CEP63: variants seen among roughly 807,000 people sequenced by gnomAD.
CEP63 encodes centrosomal protein of 63 kDa.
A neutral mutation model predicts 89.1 loss-of-function variants in CEP63; 84 were observed. The ratio of observed to expected loss-of-function variants is 0.94; its 90% CI spans 0.79 to 1.13. The LOEUF (loss-of-function observed/expected upper bound fraction) is 1.13. CEP63 is among the 50% of genes most tolerant of loss of function. CEP63 has a pLI of 0.00. For missense variants in CEP63, 838 were observed against 813.3 expected (o/e 1.03, Z -0.37); for synonymous variants, 267 against 272.5 (o/e 0.98, Z 0.20).
the CEP63 span, among the ~76,000 whole-genome samples, chr3:134,639,357 G>A: frequency 1.3e-5 from 2 of 152,208 alleles, no homozygotes; most frequent in Non-Finnish European, 2.9e-5. Context: ...CTCTCATTAT[G>A]AGATGACAAC....
At chr3:134,566,025 G>C (rs920657880), downstream of CEP63, among the ~76,000 whole-genome samples, 2 of 152,124 alleles carry the variant, frequency 1.3e-5, no homozygotes, top group Non-Finnish European at 2.9e-5. Flanking sequence ...CTCATGGCCT[G>C]AAAAGGGAAA....
chr3:134,559,367 G>T lies in CEP63; in HGVS notation c.1891G>T (p.Glu631Ter), dbSNP rs747164739. The T allele has an allele frequency of 6.2e-7, 1 of 1,613,986 alleles. No individual in the cohort carries two copies. Among genetic ancestry groups the T allele is most frequent in the East Asian group, 2.2e-5 (1 of 44,886 alleles). ...HSLPSALDTN[E>*]ANFSDTMSES... ...TTTGCCTTCAGCGCTAGATACAAAT[G>T]AAGCCAATTTTTCTGACACTATGTC... is the stretch of plus-strand genomic sequence containing the variant. The change falls in exon 14 of 15, where the codon GAA (glutamate) becomes TAA (stop). Residue 631 changes from glutamate to a stop codon, truncating the protein, a stop_gained. Coordinates refer to ENST00000675561, the MANE Select transcript of CEP63 (RefSeq NM_001353108.3). LOFTEE classifies it high-confidence loss of function.
chr3:134,579,696 G>T (rs1287757954), downstream of CEP63, among the ~76,000 whole-genome samples: 1 of 152,088 alleles, frequency 6.6e-6, no homozygotes, highest in East Asian at 1.9e-4. Context: ...CTACTGCTAG[G>T]TACCTAGAAG....
chr3:134,661,705 AGGAAGACAGGAAGGCTGGAAGGCT>A, the CEP63 span, among the ~76,000 whole-genome samples: 1 of 152,126 alleles, frequency 6.6e-6, no homozygotes, highest in East Asian at 1.9e-4. Context: ...GAAAAAGGGA[AGGAAGACAGGAAGGCTGGAAGGCT>A]GGAAGGCAGG....
At position 134,561,974 on chromosome 3, in the gene CEP63, A is replaced by G. The variant is rs1577459097; in HGVS notation, c.*439A>G. 9.8e-7 allele frequency: 1 copy of G among 1,018,824 alleles called. No individual in the cohort carries two copies. Among genetic ancestry groups the G allele is most frequent in the Non-Finnish European group, 1.2e-6 (1 of 850,280 alleles). The allele number at this position is 1,018,824 out of a possible 1,614,324, so 63.1% of individuals were successfully genotyped here. A position where few individuals can be genotyped will look rare whatever the true frequency, so the allele number is the denominator to read the frequency against. ...GATCGATAGACTGGTTTTGCCACTT[A>G]CCAGCCAACGGGGCTTGTTATTTAC... On this transcript the variant is annotated 3_prime_UTR_variant, in exon 15 of 15. Coordinates refer to ENST00000675561, the MANE Select transcript of CEP63 (RefSeq NM_001353108.3).
chr3:134,671,460 T>C, the CEP63 span, among the ~76,000 whole-genome samples: 7 of 152,226 alleles, frequency 4.6e-5, no homozygotes, highest in Admixed American at 2.0e-4. Flanking sequence ...ATGTAACAAA[T>C]GTGCACATGT....
upstream of CEP63, chr3:134,485,991 G>GGCCC: frequency 6.4e-5 from 60 of 938,064 alleles, no homozygotes; most frequent in East Asian, 1.2e-4. Flanking sequence ...CTCCTGCCAC[G>GGCCC]CCCCCCCCCC....
At chr3:134,701,443 CAT>C in the CEP63 span, among the ~76,000 whole-genome samples, 59 of 121,618 alleles carry the variant, frequency 4.9e-4, no homozygotes, top group Admixed American at 1.3e-3. Flanking sequence ...TGTATATATA[CAT>C]ATATATGTGT....
intron 6 of CEP63, among the ~76,000 whole-genome samples, chr3:134,541,216 G>A (rs1028777061): frequency 2.6e-5 from 4 of 152,092 alleles, no homozygotes; most frequent in African/African-American, 4.8e-5. Flanking sequence ...TTTTATGGAA[G>A]TACAATTGTT....
At chr3:134,608,466 A>T in the CEP63 span, 1 of 1,529,964 alleles carries the variant, frequency 6.5e-7, no homozygotes, top group South Asian at 1.2e-5. Context: ...CCCTGCCCTG[A>T]TGGCCTGGGC....
chr3:134,558,810 C>T (rs939994607), intron 13 of CEP63, among the ~76,000 whole-genome samples: 4 of 152,184 alleles, frequency 2.6e-5, no homozygotes, highest in South Asian at 2.1e-4. Context: ...ACACCCTCAC[C>T]TCCACTCCTA....
the CEP63 span, among the ~76,000 whole-genome samples, chr3:134,682,262 A>G: frequency 6.6e-6 from 1 of 152,162 alleles, no homozygotes; most frequent in South Asian, 2.1e-4. Context: ...TGGAGGATTG[A>G]CTTCTGGGGT....
the CEP63 span, among the ~76,000 whole-genome samples, chr3:134,698,067 G>A: frequency 1.3e-5 from 2 of 152,206 alleles, no homozygotes; most frequent in Admixed American, 6.5e-5. Context: ...GTGTCTGATG[G>A]GATGGTGGAG....
the CEP63 span, among the ~76,000 whole-genome samples, chr3:134,593,126 T>C: frequency 6.6e-6 from 1 of 152,146 alleles, no homozygotes; most frequent in Non-Finnish European, 1.5e-5. Flanking sequence ...CCTGGAAGGA[T>C]TCTAGGAAAG....
At chr3:134,571,571 C>T (rs767107239) in intron 11 of CEP63, among the ~76,000 whole-genome samples, 9 of 152,144 alleles carry the variant, frequency 5.9e-5, no homozygotes, top group Non-Finnish European at 1.0e-4. Context: ...GTCCCAGCTA[C>T]TTGGGAGGCT....
chr3:134,593,194 A>G, the CEP63 span, among the ~76,000 whole-genome samples: 1 of 152,170 alleles, frequency 6.6e-6, no homozygotes, highest in African/African-American at 2.4e-5. Context: ...GATTGCCACA[A>G]TTTTATGAGG....
chr3:134,645,488 C>T, the CEP63 span, among the ~76,000 whole-genome samples: 1 of 152,218 alleles, frequency 6.6e-6, no homozygotes, highest in Non-Finnish European at 1.5e-5. Flanking sequence ...GGCTGGGTGC[C>T]TTGGGCACCA....
the CEP63 span, among the ~76,000 whole-genome samples, chr3:134,725,704 A>G: frequency 5.3e-5 from 8 of 152,236 alleles, no homozygotes; most frequent in Non-Finnish European, 1.2e-4. Context: ...TATTGCTTAC[A>G]GTAAGAAAGT....
chr3:134,571,475 A>T (rs1447450339), intron 11 of CEP63, among the ~76,000 whole-genome samples: 1 of 152,150 alleles, frequency 6.6e-6, no homozygotes, highest in Non-Finnish European at 1.5e-5. Flanking sequence ...AGGTCAGGAG[A>T]TCGAGACCAT....
Sources: gnomAD v4.1 joint callset for allele counts (sites outside exome capture counted in the v4.1 genomes callset) on GRCh38, gnomAD v4.1.1 for gene constraint, MANE v1.5 for transcripts, NCBI Gene and HGNC (gene_info 2026-07-23, HGNC 2026-07-21) for gene names.